CHD2: variants seen among roughly 807,000 people sequenced by gnomAD.
The protein encoded by CHD2 is chromodomain helicase DNA binding protein 2, also known as ATP-dependent chromatin remodeler CHD2.
CHD2 carries 28 observed loss-of-function variants against 243.9 expected under a neutral mutation model. That is an observed-to-expected ratio of 0.11 (90% CI 0.09 to 0.16). The LOEUF is 0.16. Ranked by LOEUF, CHD2 falls within the 10% of genes least tolerant of loss-of-function variation. The probability of loss-of-function intolerance (pLI) is 1.00; values close to 1 mark genes in which losing one functional copy is unlikely to be tolerated. For missense variants in CHD2, 1,386 were observed against 2,209.8 expected (o/e 0.63, Z 7.47); for synonymous variants, 775 against 779.0 (o/e 0.99, Z 0.09).
rs761732184 is a variant in CHD2, at chr15:93,000,657, C to T, written c.4137+17C>T. The T allele has an allele frequency of 6.9e-6, 11 of 1,601,474 alleles. No homozygotes were observed. The highest frequency in any genetic ancestry group is 3.4e-5 in the South Asian group (3 of 89,478). ...GAAGTGAAAGTATGAAGTGGGGTTTCGGTTGAGGGTTATTTATTTATTTTA... is the reference window on the plus strand; with the variant it reads ...GAAGTGAAAGTATGAAGTGGGGTTTTGGTTGAGGGTTATTTATTTATTTTA... On this transcript the variant is annotated intron_variant, in intron 32 of 38. Transcript: ENST00000394196.
Position 93,026,815 on chromosome 15 carries a change from A to T in CHD2, c.*2110A>T. 6.6e-6 allele frequency: 1 copy of T among 152,364 alleles called. No individual in the cohort carries two copies. Among genetic ancestry groups the T allele is most frequent in the Non-Finnish European group, 1.5e-5 (1 of 68,076 alleles). 9.4% of individuals were successfully genotyped at this position (152,364 alleles called of 1,614,324 possible). On this transcript the variant is annotated 3_prime_UTR_variant, in exon 39 of 39. Coordinates refer to ENST00000394196, the MANE Select transcript of CHD2 (RefSeq NM_001271.4). ...AGCGTTGGGAGATGGGGTGGGAAGG[A>T]GGTGAGCCCCTGCAGAGAGTTGGGT...
intron 26 of CHD2, among the ~76,000 whole-genome samples, chr15:92,988,469 T>A (rs1257955739): frequency 6.6e-6 from 1 of 152,200 alleles, no homozygotes; most frequent in Non-Finnish European, 1.5e-5. Context: ...CTTACTCTAT[T>A]ATTCCATGGG....
rs200427035 is a variant in CHD2, at chr15:92,991,536, T to C, written c.3455+19T>C. ...TTGAACGGTAAGTTCAGTGTAATAG[T>C]CCCTTATCTTCCTCTTTTTTGCTTT... On this transcript the variant is annotated intron_variant, in intron 27 of 38. Transcript: ENST00000394196. The C allele has an allele frequency of 4.5e-4, 708 of 1,568,210 alleles. No individual in the cohort carries two copies. The highest frequency in any genetic ancestry group is 1.0e-3 in the Admixed American group (55 of 52,476).
rs751608236 is a variant in CHD2 at position 93,014,779 on chromosome 15, A to C, written c.4776A>C (p.Ile1592=). 2 of 1,614,044 alleles carry C rather than the reference A, an allele frequency of 1.2e-6. No homozygotes were observed. The change falls in exon 37 of 39, where the codon ATA becomes ATC. Residue 1592 remains isoleucine (I), a synonymous_variant. Transcript: ENST00000394196. ...CAGGCTCCAGCCGGGACTCTCTGAT[A>C]TCTCAGTCCCATACCTCACACAACC... ...EASGSSRDSL[I]SQSHTSHNLH...
intron 2 of CHD2, among the ~76,000 whole-genome samples, chr15:92,912,660 A>C (rs1192144092): frequency 6.6e-6 from 1 of 152,150 alleles, no homozygotes; most frequent in African/African-American, 2.4e-5. Context: ...CAGCCTTCTG[A>C]GTAGCTGGGA....
intron 7 of CHD2, among the ~76,000 whole-genome samples, chr15:92,940,206 C>T (rs1276115834): frequency 6.6e-6 from 1 of 152,138 alleles, no homozygotes; most frequent in Non-Finnish European, 1.5e-5. Flanking sequence ...GTAATTCCAA[C>T]ACTTTGGGAG....
At chr15:93,007,065 C>T (rs1333450586) in intron 34 of CHD2, among the ~76,000 whole-genome samples, 1 of 152,162 alleles carries the variant, frequency 6.6e-6, no homozygotes, top group African/African-American at 2.4e-5. Context: ...ATGGCTTGAG[C>T]AAAAATGGTG....
At chr15:92,928,444 C>T (rs1364638712) in intron 4 of CHD2, among the ~76,000 whole-genome samples, 1 of 152,218 alleles carries the variant, frequency 6.6e-6, no homozygotes, top group Non-Finnish European at 1.5e-5. Flanking sequence ...TGTAAGCTTT[C>T]CTTGGCCTAG....
intron 2 of CHD2, among the ~76,000 whole-genome samples, chr15:92,903,768 C>G (rs993032354): frequency 2.6e-5 from 4 of 152,180 alleles, no homozygotes; most frequent in African/African-American, 9.7e-5. Flanking sequence ...GTGTTCTCCA[C>G]GGCACCACGT....
At chr15:92,902,188 C>T (rs1448356378) in intron 2 of CHD2, 1 of 397,824 alleles carries the variant, frequency 2.5e-6, no homozygotes, top group African/African-American at 2.1e-5. Flanking sequence ...GTCTGGAATG[C>T]TTTATCTTCT....
In CHD2 at chr15:93,014,787, C is replaced by A. The variant is rs756260519; in HGVS notation, c.4784C>A (p.Ser1595Tyr). Residue 1595 changes from serine to tyrosine, a missense_variant, in exon 37 of 39, where the codon TCC (serine) becomes TAC (tyrosine). Coordinates refer to ENST00000394196, the MANE Select transcript of CHD2 (RefSeq NM_001271.4). ...GSSRDSLISQSHTSHNLHPQK... is the reference protein window; with the variant it reads ...GSSRDSLISQYHTSHNLHPQK... ...AGCCGGGACTCTCTGATATCTCAGT[C>A]CCATACCTCACACAACCTTCACCCT... 10 of 1,614,150 alleles carry A rather than the reference C, an allele frequency of 6.2e-6. No individual in the cohort carries two copies. In the East Asian group the frequency reaches 2.2e-4, roughly 36 times the overall value.
intron 9 of CHD2, chr15:92,943,844 A>G (rs2053420321): frequency 6.6e-6 from 1 of 152,304 alleles, no homozygotes; most frequent in Non-Finnish European, 1.5e-5. Context: ...AAAATGTGCT[A>G]CTTTAGTAAA....
intron 22 of CHD2, among the ~76,000 whole-genome samples, chr15:92,979,637 G>GTTT (rs200909445): frequency 6.9e-6 from 1 of 145,076 alleles, no homozygotes. Context: ...ATTGGCAGCT[G>GTTT]TTTTTTTTTT....
chr15:92,997,364 G>A lies in CHD2; in HGVS notation c.3846G>A (p.Glu1282=). The A allele has an allele frequency of 6.2e-7, 1 of 1,610,786 alleles. No homozygotes were observed. Among genetic ancestry groups the A allele is most frequent in the East Asian group, 2.2e-5 (1 of 44,832 alleles). Reference sequence around the variant, plus strand: ...ATGAACATGGCTATGGAAACTGGGAGTTAATTAAAACAGACCCAGAGCTTA... The same window carrying A: ...ATGAACATGGCTATGGAAACTGGGAATTAATTAAAACAGACCCAGAGCTTA... The part of the protein sequence containing the change: ...GIYEHGYGNW[E]LIKTDPELKL... The change falls in exon 30 of 39, where the codon GAG becomes GAA. Residue 1282 remains glutamate, a synonymous_variant. Transcript: ENST00000394196. This position sits in a 1 kb window ranked among gnomAD's most constrained non-coding sequence, Gnocchi z 4.1.
intron 16 of CHD2, among the ~76,000 whole-genome samples, chr15:92,960,128 T>G (rs1384618389): frequency 1.3e-5 from 2 of 152,222 alleles, no homozygotes; most frequent in African/African-American, 4.8e-5. Flanking sequence ...TGGAGTGGAA[T>G]TTTTAAAAAT....
intron 19 of CHD2, among the ~76,000 whole-genome samples, chr15:92,973,339 G>T (rs1261667605): frequency 1.3e-5 from 2 of 152,054 alleles, no homozygotes; most frequent in East Asian, 3.9e-4. Flanking sequence ...CTTATTCTCT[G>T]ATCTATTTAT....
intron 11 of CHD2, 21 bp from the exon 12 acceptor site, chr15:92,946,017 A>C (rs1596399219): frequency 1.3e-6 from 2 of 1,543,644 alleles, no homozygotes; most frequent in Non-Finnish European, 1.7e-6. Context: ...CTAATCTATA[A>C]ATTTTTTTTA....
intron 5 of CHD2, among the ~76,000 whole-genome samples, chr15:92,930,831 T>G (rs2053154043): frequency 6.6e-6 from 1 of 152,178 alleles, no homozygotes; most frequent in South Asian, 2.1e-4. Context: ...GGGATCTGTC[T>G]TCTTTTTCAT....
chr15:92,906,617 G>A (rs1198963646), intron 2 of CHD2, among the ~76,000 whole-genome samples: 1 of 150,128 alleles, frequency 6.7e-6, no homozygotes, highest in Non-Finnish European at 1.5e-5. Flanking sequence ...TAAAAATTGA[G>A]TGACTGCTCT....
Sources: gnomAD v4.1 joint callset for allele counts (sites outside exome capture counted in the v4.1 genomes callset) on GRCh38, gnomAD v4.1.1 for gene constraint, Gnocchi (gnomAD v3.1) non-coding constraint, MANE v1.5 for transcripts, NCBI Gene and HGNC (gene_info 2026-07-23, HGNC 2026-07-21) for gene names.